NOL10: variants seen among roughly 807,000 people sequenced by gnomAD.
NOL10 encodes the protein H_NH0074G24.1.
A neutral mutation model predicts 103.5 loss-of-function variants in NOL10; 58 were observed. That is an observed-to-expected ratio of 0.56 (90% CI 0.45 to 0.70). NOL10 has a LOEUF of 0.70. Among genes scored for constraint, NOL10 ranks in the 30% least tolerant of loss-of-function variants. The pLI is 0.00. For synonymous variants in NOL10, 287 were observed against 282.5 expected, an observed-to-expected ratio of 1.02 and a Z score of -0.16; for missense variants, 763 against 807.3, an observed-to-expected ratio of 0.95 and a Z score of 0.67.
At chr2:10,582,392 G>A (rs34595606) in intron 19 of NOL10, among the ~76,000 whole-genome samples, 41,485 of 152,068 alleles carry the variant, frequency 0.27, 7,123 homozygotes, top group Non-Finnish European at 0.38. Context: ...GAACTGAAAG[G>A]CTGCCTGGCA....
At chr2:10,619,140 G>GGTAT (rs1243860103) in intron 13 of NOL10, among the ~76,000 whole-genome samples, 2 of 152,032 alleles carry the variant, frequency 1.3e-5, no homozygotes, top group Admixed American at 6.6e-5. Context: ...TATGTATGTA[G>GGTAT]GTATGTATGT....
At chr2:10,590,074 A>G (rs1434247209) in intron 17 of NOL10, among the ~76,000 whole-genome samples, 1 of 151,430 alleles carries the variant, frequency 6.6e-6, no homozygotes, top group East Asian at 1.9e-4. Flanking sequence ...TTTTAATGCA[A>G]AAAAACACCT....
chr2:10,645,862 A>G (rs1038559694), intron 12 of NOL10, among the ~76,000 whole-genome samples: 5 of 151,800 alleles, frequency 3.3e-5, no homozygotes, highest in Admixed American at 2.6e-4. Context: ...CGTCTTGCCA[A>G]TAACTCAGAA....
chr2:10,570,764 T>A lies in NOL10; in HGVS notation c.*1307A>T, dbSNP rs1674140661. 6.6e-6 allele frequency: 1 copy of A among 152,100 alleles called. No individual in the cohort carries two copies. Among genetic ancestry groups the A allele is most frequent in the Non-Finnish European group, 1.5e-5 (1 of 68,024 alleles). 9.4% of individuals were successfully genotyped at this position (152,100 alleles called of 1,614,324 possible). ...TTCTTGGAGTCTTTCTCAAAGAAGC[T>A]ATTCAAATGAAAGTATATTTATTTT... On this transcript the variant is annotated 3_prime_UTR_variant, in exon 21 of 21. Coordinates refer to ENST00000381685, the MANE Select transcript of NOL10 (RefSeq NM_024894.4).
rs777625174 is a variant in NOL10 at position 10,572,147 on chromosome 2, C to T, written c.1991G>A (p.Arg664Gln). Reference sequence around the variant, plus strand: ...ACGACGGAGTCTTTTCCTTTCTTGTCGATGCAGTTTCTCAGCCTCCTGTTG... The same window carrying T: ...ACGACGGAGTCTTTTCCTTTCTTGTTGATGCAGTTTCTCAGCCTCCTGTTG... ...KKQQEAEKLH[R>Q]QERKRLRRSA... The change falls in exon 21 of 21, where the codon CGA becomes CAA. Residue 664 changes from arginine to glutamine, a missense_variant. Physicochemically the swap from Arg to Gln is conservative, Grantham distance 43. Transcript: ENST00000381685. 2.7e-5 allele frequency: 44 copies of T among 1,613,772 alleles called. No homozygotes were observed. The highest frequency in any genetic ancestry group is 1.6e-4 in the Middle Eastern group (1 of 6,084).
chr2:10,682,718 C>T (rs185498724), intron 2 of NOL10, among the ~76,000 whole-genome samples: 3 of 152,092 alleles, frequency 2.0e-5, no homozygotes, highest in Admixed American at 2.0e-4. Context: ...ACTATTACTA[C>T]TCAATCATGG....
rs543849734 is a variant in NOL10 at position 10,666,945 on chromosome 2, C to G, written c.591+273G>C. On this transcript the variant is annotated intron_variant, in intron 8 of 20. Transcript: ENST00000381685. ...TCTGACATATTTGCATTTTTTAAAA[C>G]TATGAGTATTTATCATTATTTTAAG... Among the ~76,000 whole-genome samples the G allele has an allele frequency of 9.2e-5, 14 of 152,208 alleles. No homozygotes were observed. The South Asian group carries it at 2.9e-3, about 32-fold the overall frequency.
chr2:10,673,579 AAATAC>A lies in NOL10; in HGVS notation c.290-27_290-23del, dbSNP rs757249721. On this transcript the variant is annotated intron_variant, in intron 4 of 20. Transcript: ENST00000381685. ...ACAACTGAAAAACAAGAAATAGGAA[AAATAC>A]AATTATCAAACAATATTCTTAGTAA... 3 of 1,504,946 alleles carry A rather than the reference AAATAC, an allele frequency of 2.0e-6. No homozygotes were observed. The South Asian group carries it at 3.6e-5, about 18-fold the overall frequency. The allele number at this position is 1,504,946 out of a possible 1,614,324, so 93.2% of individuals were successfully genotyped here.
chr2:10,663,818 C>T (rs1253210264), intron 8 of NOL10, among the ~76,000 whole-genome samples: 1 of 151,772 alleles, frequency 6.6e-6, no homozygotes, highest in South Asian at 2.1e-4. Context: ...GGCATGGTGG[C>T]GGGCGCTTTT....
intron 13 of NOL10, among the ~76,000 whole-genome samples, chr2:10,629,039 G>A (rs1312918229): frequency 7.9e-5 from 12 of 152,028 alleles, no homozygotes; most frequent in Non-Finnish European, 1.8e-4. Context: ...GGACAGCCAC[G>A]TAAGTGAAAC....
Position 10,607,404 on chromosome 2 carries a change from T to G in NOL10, c.1027-93A>C, listed in dbSNP as rs2148193775. 4 of 1,351,500 alleles carry G rather than the reference T, an allele frequency of 3.0e-6. No individual in the cohort carries two copies. The South Asian group carries it at 7.0e-5, about 24-fold the overall frequency. 83.7% of individuals were successfully genotyped at this position (1,351,500 alleles called of 1,614,324 possible). On this transcript the variant is annotated intron_variant, in intron 13 of 20. Coordinates refer to ENST00000381685, the MANE Select transcript of NOL10 (RefSeq NM_024894.4). Reference sequence around the variant, plus strand: ...TAACCAGATTTTGTTAAACATGATTTCTAAATCCTTTTTTCTATCAGAAGT... The same window carrying G: ...TAACCAGATTTTGTTAAACATGATTGCTAAATCCTTTTTTCTATCAGAAGT...
chr2:10,637,347 A>G (rs986691262), intron 13 of NOL10, among the ~76,000 whole-genome samples: 2 of 152,138 alleles, frequency 1.3e-5, no homozygotes, highest in African/African-American at 4.8e-5. Context: ...TTACTAGAAA[A>G]ATGTCCATGC....
At chr2:10,663,093 A>ATGG (rs1265587224) in intron 8 of NOL10, 49 bp from the exon 9 acceptor site, 1 of 1,465,218 alleles carries the variant, frequency 6.8e-7, no homozygotes, top group African/African-American at 1.4e-5. Context: ...AAGGCGGGGC[A>ATGG]TGGTGGCTCA....
intron 12 of NOL10, among the ~76,000 whole-genome samples, chr2:10,651,841 C>A (rs1679484718): frequency 6.6e-6 from 1 of 152,170 alleles, no homozygotes; most frequent in African/African-American, 2.4e-5. Flanking sequence ...CAGAATTTCA[C>A]TTTACTCCCA....
chr2:10,604,287 G>A (rs1024361138), intron 14 of NOL10, among the ~76,000 whole-genome samples: 3 of 152,128 alleles, frequency 2.0e-5, no homozygotes, highest in Non-Finnish European at 1.5e-5. Context: ...TCTTTCTAAG[G>A]AAAGCATTAC....
chr2:10,689,823 G>T lies in NOL10; in HGVS notation c.39C>A (p.Ser13Arg). The change falls in exon 1 of 21, where the codon AGC (serine) becomes AGA (arginine). Residue 13 changes from serine to arginine, a missense_variant. Transcript: ENST00000381685. ...CAGGAAGGGACTTGCCGCAGCTGAG[G>T]CTGTAAATCTTCACCTCATTGAGGC... ...VSSLNEVKIY[S>R]LSCGKSLPEW... 3 of 1,607,834 alleles carry T rather than the reference G, an allele frequency of 1.9e-6. No individual in the cohort carries two copies. The highest frequency in any genetic ancestry group is 1.1e-5 in the South Asian group (1 of 89,524).
chr2:10,576,512 A>G (rs1406674888), intron 20 of NOL10, among the ~76,000 whole-genome samples: 1 of 152,252 alleles, frequency 6.6e-6, no homozygotes, highest in African/African-American at 2.4e-5. Flanking sequence ...GTACAATGGT[A>G]TATTATTGAG....
At chr2:10,576,188 G>A (rs1674441404) in intron 20 of NOL10, among the ~76,000 whole-genome samples, 1 of 152,118 alleles carries the variant, frequency 6.6e-6, no homozygotes, top group African/African-American at 2.4e-5. Context: ...ACACCCACTA[G>A]CATGGCTATA....
intron 13 of NOL10, among the ~76,000 whole-genome samples, chr2:10,612,921 C>T (rs1230261371): frequency 9.3e-5 from 14 of 150,684 alleles, no homozygotes; most frequent in Non-Finnish European, 1.9e-4. Context: ...CCCAGCTATT[C>T]CTGAGGCTGA....
Sources: gnomAD v4.1 joint callset for allele counts (sites outside exome capture counted in the v4.1 genomes callset) on GRCh38, gnomAD v4.1.1 for gene constraint, MANE v1.5 for transcripts, NCBI Gene and HGNC (gene_info 2026-07-23, HGNC 2026-07-21) for gene names.